NRG1: variants seen among roughly 807,000 people sequenced by gnomAD.
The protein encoded by NRG1 is neuregulin 1.
A neutral mutation model predicts 63.8 loss-of-function variants in NRG1; 18 were observed. The ratio of observed to expected loss-of-function variants is 0.28; its 90% CI spans 0.19 to 0.42. The LOEUF (loss-of-function observed/expected upper bound fraction) is 0.42. Among genes scored for constraint, NRG1 ranks in the 10% least tolerant of loss-of-function variants. The pLI, the probability that NRG1 is intolerant of heterozygous loss-of-function variation, is 1.00. For synonymous variants in NRG1, 302 were observed against 301.3 expected (o/e 1.00, Z -0.02); for missense variants, 762 against 814.7 (o/e 0.94, Z 0.79).
intron 1 of NRG1, among the ~76,000 whole-genome samples, chr8:32,305,542 A>C (rs765562686): frequency 1.3e-5 from 2 of 152,200 alleles, no homozygotes; most frequent in Non-Finnish European, 2.9e-5. Flanking sequence ...AAGTGACAGG[A>C]AGGATTGCCG....
chr8:31,826,388 C>T (rs1824563207), intron 1 of NRG1, among the ~76,000 whole-genome samples: 1 of 152,124 alleles, frequency 6.6e-6, no homozygotes, highest in African/African-American at 2.4e-5. Context: ...GTAAATAAGT[C>T]TCACAAGATC....
Position 32,703,002 on chromosome 8 carries a change from G to T in NRG1, c.503-24947G>T, listed in dbSNP as rs534438206. 5.6e-4 allele frequency among the ~76,000 whole-genome samples: 85 copies of T among 152,240 alleles called. 1 individual carries two copies. In the South Asian group the frequency reaches 9.7e-3, roughly 17 times the overall value. On this transcript the variant is annotated intron_variant, in intron 5 of 11. Coordinates refer to ENST00000356819, the Ensembl canonical transcript of NRG1. ...AGGGCTAACCTAGAATTGCAAATTTGATTGGGTTTCATGTTGGTTTTCCTT... is the reference window on the plus strand; with the variant it reads ...AGGGCTAACCTAGAATTGCAAATTTTATTGGGTTTCATGTTGGTTTTCCTT...
chr8:32,356,479 C>G (rs903924436), intron 1 of NRG1, among the ~76,000 whole-genome samples: 3 of 123,106 alleles, frequency 2.4e-5, no homozygotes, highest in East Asian at 5.5e-4. Flanking sequence ...TTGGGACCCC[C>G]CCCCCACCCG....
chr8:32,455,126 G>T (rs1018803376), intron 1 of NRG1, among the ~76,000 whole-genome samples: 1 of 152,196 alleles, frequency 6.6e-6, no homozygotes, highest in African/African-American at 2.4e-5. Context: ...TTCTCAGAAG[G>T]TACCCCCATC....
chr8:32,728,327 G>A (rs1418062875), intron 6 of NRG1: 10 of 983,146 alleles, frequency 1.0e-5, no homozygotes, highest in Non-Finnish European at 1.1e-5. Context: ...TTTTTGCCAT[G>A]TTATTTATAG....
At chr8:32,703,216 C>T (rs571976217) in intron 5 of NRG1, among the ~76,000 whole-genome samples, 67 of 152,216 alleles carry the variant, frequency 4.4e-4, no homozygotes, top group South Asian at 1.2e-3. Context: ...TGAAACACTA[C>T]GACATTCTTT....
intron 1 of NRG1, among the ~76,000 whole-genome samples, chr8:32,235,952 A>T (rs1172995047): frequency 6.6e-6 from 1 of 152,206 alleles, no homozygotes; most frequent in Non-Finnish European, 1.5e-5. Flanking sequence ...GTTGACATCA[A>T]GTCTCAGAAT....
intron 1 of NRG1, among the ~76,000 whole-genome samples, chr8:32,515,286 T>TTGACTTCTTTTC (rs1315621088): frequency 2.6e-4 from 40 of 152,268 alleles, no homozygotes; most frequent in African/African-American, 9.6e-4. Context: ...CTATTATTTT[T>TTGACTTCTTTTC]TGACTTCTTT....
chr8:32,382,809 T>C (rs1810514167), intron 1 of NRG1, among the ~76,000 whole-genome samples: 1 of 152,096 alleles, frequency 6.6e-6, no homozygotes. Flanking sequence ...ATCTGTCCCA[T>C]ACACTGGTCC....
chr8:32,455,384 T>C (rs1007207050), intron 1 of NRG1, among the ~76,000 whole-genome samples: 9 of 152,226 alleles, frequency 5.9e-5, no homozygotes, highest in Non-Finnish European at 1.3e-4. Context: ...AGAGCTTCTC[T>C]ATGTCTGAAG....
At chr8:32,441,725 A>G (rs1819572165) in intron 1 of NRG1, among the ~76,000 whole-genome samples, 2 of 152,144 alleles carry the variant, frequency 1.3e-5, no homozygotes. Flanking sequence ...GAGTCTCAAC[A>G]GAGGCCATTC....
At chr8:31,872,284 A>G (rs1026577979) in intron 1 of NRG1, among the ~76,000 whole-genome samples, 2 of 152,130 alleles carry the variant, frequency 1.3e-5, no homozygotes, top group Admixed American at 6.6e-5. Context: ...ACTCTTTCTG[A>G]CAGCCCTTCC....
chr8:32,568,280 T>C (rs568106512), intron 1 of NRG1, among the ~76,000 whole-genome samples: 6 of 152,320 alleles, frequency 3.9e-5, no homozygotes, highest in Admixed American at 1.3e-4. Flanking sequence ...TGAGCTGTTA[T>C]CACTTTTGTC....
chr8:32,550,870 T>C (rs1340212372), intron 1 of NRG1, among the ~76,000 whole-genome samples: 1 of 152,178 alleles, frequency 6.6e-6, no homozygotes, highest in East Asian at 1.9e-4. Context: ...TGTAGGTTAG[T>C]TTTTAGTATA....
intron 1 of NRG1, among the ~76,000 whole-genome samples, chr8:31,869,070 A>T (rs1183011931): frequency 6.6e-6 from 1 of 152,210 alleles, no homozygotes; most frequent in Non-Finnish European, 1.5e-5. Context: ...GCTTAAAATG[A>T]TAAGAGCAAA....
chr8:32,423,735 A>G (rs1816986328), intron 1 of NRG1, among the ~76,000 whole-genome samples: 1 of 152,216 alleles, frequency 6.6e-6, no homozygotes, highest in Non-Finnish European at 1.5e-5. Flanking sequence ...ATACACACAG[A>G]CACACACAAA....
intron 5 of NRG1, among the ~76,000 whole-genome samples, chr8:32,698,903 C>A (rs2128955504): frequency 6.6e-6 from 1 of 152,260 alleles, no homozygotes; most frequent in Non-Finnish European, 1.5e-5. Flanking sequence ...TAACCACTAC[C>A]TCCAGACAGA....
chr8:32,473,620 G>C (rs1466544426), intron 1 of NRG1, among the ~76,000 whole-genome samples: 1 of 152,038 alleles, frequency 6.6e-6, no homozygotes, highest in African/African-American at 2.4e-5. Context: ...CTGACCTATG[G>C]TTTATGATTT....
chr8:32,753,244 A>G (rs1247789504), intron 7 of NRG1, among the ~76,000 whole-genome samples: 1 of 152,154 alleles, frequency 6.6e-6, no homozygotes, highest in East Asian at 1.9e-4. Context: ...AGATCTTCCA[A>G]TAAATGTAAT....
Sources: gnomAD v4.1 joint callset for allele counts (sites outside exome capture counted in the v4.1 genomes callset) on GRCh38, gnomAD v4.1.1 for gene constraint, MANE v1.5 for transcripts, NCBI Gene and HGNC (gene_info 2026-07-23, HGNC 2026-07-21) for gene names.